Variants in ANXA8 observed in about 807,000 individuals in gnomAD.
ANXA8 encodes VAC-beta.
Under a neutral mutation model 26.8 loss-of-function variants are expected in ANXA8, and 9 were observed. The ratio of observed to expected loss-of-function variants is 0.34; its 90% confidence interval spans 0.20 to 0.59. The LOEUF (loss-of-function observed/expected upper bound fraction) is 0.59, where lower values mean the gene tolerates loss of function less well. Among genes scored for constraint, ANXA8 ranks in the 20% least tolerant of loss-of-function variants. ANXA8 has a pLI of 0.84. For synonymous variants in ANXA8, 39 were observed against 94.8 expected, an observed-to-expected ratio of 0.41 and a Z score of 3.42; for missense variants, 83 against 238.5, an observed-to-expected ratio of 0.35 and a Z score of 4.29.
At chr10:47,986,947 G>T in the ANXA8 span, 8 of 513,916 alleles carry the variant, frequency 1.6e-5, no homozygotes, top group Middle Eastern at 5.4e-4. Context: ...TGGTCACGAG[G>T]GGGGACGCGA....
At chr10:47,701,030 T>G in the ANXA8 span, among the ~76,000 whole-genome samples, 702 of 150,966 alleles carry the variant, frequency 4.7e-3, 13 homozygotes, top group African/African-American at 0.016. Context: ...TGCAGTGAGC[T>G]GTATTCATGC....
the ANXA8 span, among the ~76,000 whole-genome samples, chr10:47,976,296 T>A: frequency 6.6e-6 from 1 of 150,458 alleles, no homozygotes; most frequent in Non-Finnish European, 1.5e-5. Context: ...CTTTCAGCAA[T>A]CCAAGTTAGA....
chr10:47,512,932 TG>T, the ANXA8 span, among the ~76,000 whole-genome samples: 1 of 119,512 alleles, frequency 8.4e-6, no homozygotes, highest in African/African-American at 3.5e-5. Flanking sequence ...TGTGATTTTT[TG>T]TTTTTAATTC....
chr10:47,676,646 C>G, the ANXA8 span, among the ~76,000 whole-genome samples: 4 of 151,714 alleles, frequency 2.6e-5, no homozygotes, highest in African/African-American at 9.7e-5. Flanking sequence ...GAAAAGAAGT[C>G]CAGGCACGGT....
At chr10:47,617,793 A>G in the ANXA8 span, among the ~76,000 whole-genome samples, 2 of 145,142 alleles carry the variant, frequency 1.4e-5, no homozygotes, top group Non-Finnish European at 3.0e-5. Context: ...CCAGTTTTTG[A>G]TACAGTGAAA....
chr10:47,575,214 A>G, the ANXA8 span, among the ~76,000 whole-genome samples: 2 of 119,546 alleles, frequency 1.7e-5, no homozygotes, highest in Non-Finnish European at 3.8e-5. Flanking sequence ...AAAAAAAAAA[A>G]AAAAGAAAGA....
chr10:47,572,677 G>A, the ANXA8 span, among the ~76,000 whole-genome samples: 1 of 139,896 alleles, frequency 7.1e-6, no homozygotes, highest in Non-Finnish European at 1.5e-5. Context: ...ACGTCATGCC[G>A]TTGTACTCCA....
At chr10:47,556,790 CT>C in the ANXA8 span, among the ~76,000 whole-genome samples, 26,646 of 146,404 alleles carry the variant, frequency 0.18, 2,586 homozygotes, top group East Asian at 0.51. Context: ...AGTATTTTTC[CT>C]TTTTTTTCTT....
the ANXA8 span, among the ~76,000 whole-genome samples, chr10:47,971,078 C>T: frequency 2.0e-5 from 3 of 151,414 alleles, no homozygotes; most frequent in African/African-American, 4.8e-5. Flanking sequence ...TTCTCAAATG[C>T]TCGGAGGCCC....
At chr10:47,697,209 A>G in the ANXA8 span, among the ~76,000 whole-genome samples, 1 of 152,220 alleles carries the variant, frequency 6.6e-6, no homozygotes, top group Non-Finnish European at 1.5e-5. Context: ...TCTTACTTCC[A>G]GTCTTTGTCT....
the ANXA8 span, chr10:47,501,753 T>C: frequency 2.5e-6 from 1 of 399,540 alleles, no homozygotes; most frequent in Non-Finnish European, 4.3e-6. Flanking sequence ...GTGCCATGTG[T>C]ACAAAAATCA....
chr10:47,495,432 C>G, the ANXA8 span, among the ~76,000 whole-genome samples: 1 of 150,404 alleles, frequency 6.6e-6, no homozygotes, highest in Non-Finnish European at 1.5e-5. Context: ...ATTACCGGCA[C>G]ATGCCACCAT....
chr10:47,702,970 A>G, the ANXA8 span, among the ~76,000 whole-genome samples: 5 of 149,994 alleles, frequency 3.3e-5, no homozygotes, highest in Non-Finnish European at 3.0e-5. Context: ...AGCTCTGCTA[A>G]AAGTGGTTGA....
chr10:47,986,438 T>G, the ANXA8 span: 3 of 229,444 alleles, frequency 1.3e-5, no homozygotes, highest in South Asian at 5.5e-5. Context: ...GTCTTTTACT[T>G]GTCTATTGAC....
chr10:47,590,029 A>T, the ANXA8 span: 1 of 146,076 alleles, frequency 6.8e-6, no homozygotes, highest in Non-Finnish European at 1.5e-5. Flanking sequence ...CAGGAACCCC[A>T]TTCCCCCCTG....
the ANXA8 span, among the ~76,000 whole-genome samples, chr10:47,671,794 T>C: frequency 1.3e-5 from 2 of 151,932 alleles, no homozygotes; most frequent in Non-Finnish European, 2.9e-5. Context: ...GTTTTGCCAT[T>C]GATGTCTAGA....
At chr10:47,733,143 A>ATTCTTTCTTTCTT in the ANXA8 span, among the ~76,000 whole-genome samples, 2 of 98,066 alleles carry the variant, frequency 2.0e-5, no homozygotes, top group African/African-American at 3.8e-5. Context: ...CAACTCCCTA[A>ATTCTTTCTTTCTT]TCTTTCTTTC....
the ANXA8 span, among the ~76,000 whole-genome samples, chr10:47,727,320 T>G: frequency 6.6e-6 from 1 of 152,252 alleles, no homozygotes; most frequent in Non-Finnish European, 1.5e-5. Flanking sequence ...AACCATGATG[T>G]CTTAGTTGTC....
the ANXA8 span, among the ~76,000 whole-genome samples, chr10:47,631,041 G>A: frequency 2.0e-5 from 3 of 150,082 alleles, no homozygotes; most frequent in South Asian, 6.2e-4. Context: ...GGAACTAGCT[G>A]CCTTACTTAA....
Sources: gnomAD v4.1 joint callset for allele counts (sites outside exome capture counted in the v4.1 genomes callset) on GRCh38, gnomAD v4.1.1 for gene constraint, MANE v1.5 for transcripts, NCBI Gene and HGNC (gene_info 2026-07-23, HGNC 2026-07-21) for gene names.